Variants in PMS2 observed in about 807,000 individuals in gnomAD.
The protein encoded by PMS2 is PMS1 homolog 2, mismatch repair system component.
A neutral mutation model predicts 90.0 loss-of-function variants in PMS2; 69 were observed. The ratio of observed to expected loss-of-function variants is 0.77; its 90% CI spans 0.63 to 0.94. PMS2 has a LOEUF of 0.94. Among genes scored for constraint, PMS2 ranks in the 40% least tolerant of loss-of-function variants. PMS2 has a pLI of 0.00. For synonymous variants in PMS2, 332 were observed against 375.1 expected (o/e 0.89, Z 1.33); for missense variants, 966 against 1,040.2 (o/e 0.93, Z 0.98).
chr7:5,994,656 G>T (rs909725151), intron 8 of PMS2, among the ~76,000 whole-genome samples: 3 of 149,692 alleles, frequency 2.0e-5, no homozygotes, highest in African/African-American at 7.4e-5. Context: ...GGCACCTGTA[G>T]TCCCAGCTAC....
intron 14 of PMS2, among the ~76,000 whole-genome samples, chr7:5,977,079 G>C (rs1781745796): frequency 6.7e-6 from 1 of 149,386 alleles, no homozygotes; most frequent in South Asian, 2.1e-4. Flanking sequence ...TTTTGAGACG[G>C]AGTCTCGCTC....
chr7:5,981,080 C>A lies in PMS2; in HGVS notation c.2174+1744G>T, dbSNP rs1198048421. The stretch of plus-strand genomic sequence containing the variant: ...ACACGAAAATCCATGACCTCTTCTT[C>A]TAACTTTGCTGAAGACAAGACTTTG... On this transcript the variant is annotated intron_variant, in intron 12 of 14. Coordinates refer to ENST00000265849, the MANE Select transcript of PMS2 (RefSeq NM_000535.7). 7.3e-5 allele frequency among the ~76,000 whole-genome samples: 11 copies of A among 151,614 alleles called. 1 individual carries two copies. Among genetic ancestry groups the A allele is most frequent in the Non-Finnish European group, 1.0e-4 (7 of 68,030 alleles).
intron 2 of PMS2, chr7:6,004,376 T>C (rs1785477101): frequency 4.2e-6 from 1 of 237,922 alleles, no homozygotes; most frequent in Non-Finnish European, 8.2e-6. Flanking sequence ...GCGTTGCACT[T>C]TGACCATCCT....
In PMS2 at chr7:5,993,590, C is replaced by T. The variant is rs374061145; in HGVS notation, c.904-1533G>A. Among the ~76,000 whole-genome samples the T allele has an allele frequency of 4.4e-4, 66 of 151,316 alleles. No homozygotes were observed. The highest frequency in any genetic ancestry group is 1.4e-3 in the African/African-American group (57 of 41,338). Reference sequence around the variant, plus strand: ...AAATATAGAAACCATGGGCCGGGCGCGGTGGCTCATGCCTGTAATCCCAGC... The same window carrying T: ...AAATATAGAAACCATGGGCCGGGCGTGGTGGCTCATGCCTGTAATCCCAGC... On this transcript the variant is annotated intron_variant, in intron 8 of 14. Transcript: ENST00000265849.
chr7:6,001,935 G>C (rs1785129134), intron 5 of PMS2: 1 of 152,094 alleles, frequency 6.6e-6, no homozygotes, highest in Non-Finnish European at 1.5e-5. Context: ...GGAGGTTGCA[G>C]TGAACCAAGA....
chr7:5,992,508 T>C (rs1783882650), intron 8 of PMS2, among the ~76,000 whole-genome samples: 1 of 151,894 alleles, frequency 6.6e-6, no homozygotes, highest in Admixed American at 6.6e-5. Context: ...TTAGTAGAGA[T>C]GGGGTTTCAC....
intron 6 of PMS2, among the ~76,000 whole-genome samples, chr7:5,998,206 T>C (rs1784650238): frequency 2.0e-5 from 3 of 151,100 alleles, no homozygotes; most frequent in Non-Finnish European, 2.9e-5. Context: ...CTCAGCCTCC[T>C]GAGTAGCTGG....
chr7:5,985,506 G>A (rs1489199757), intron 11 of PMS2, among the ~76,000 whole-genome samples: 1 of 151,480 alleles, frequency 6.6e-6, no homozygotes, highest in African/African-American at 2.4e-5. Flanking sequence ...ACTATCCTAG[G>A]GAAGAGGGAG....
chr7:5,991,339 C>A (rs1783705731), intron 9 of PMS2, among the ~76,000 whole-genome samples: 1 of 151,114 alleles, frequency 6.6e-6, no homozygotes, highest in Non-Finnish European at 1.5e-5. Flanking sequence ...ATATGTGTTT[C>A]TAAGTATCTA....
chr7:5,990,107 A>C (rs896028307), intron 9 of PMS2, 152 bp from the exon 10 acceptor site: 2 of 484,434 alleles, frequency 4.1e-6, no homozygotes, highest in African/African-American at 3.9e-5. Context: ...TCCTGGGTTC[A>C]AGTGATTCTC....
At position 5,987,497 on chromosome 7, in the gene PMS2, G is replaced by C. The variant is rs756883400; in HGVS notation, c.1268C>G (p.Ala423Gly). The stretch of plus-strand genomic sequence containing the variant: ...CTCTGTTGTGTGACGAAGAGAAAAG[G>C]CCTCTCGCAGTCTGGAAATGGACAC... ...KDVSISRLRE[A>G]FSLRHTTENK... Residue 423 changes from alanine (A) to glycine (G), a missense_variant, in exon 11 of 15, where the codon GCC (alanine) becomes GGC (glycine). Ala to Gly is a moderately conservative substitution (Grantham distance 60). Coordinates refer to ENST00000265849, the MANE Select transcript of PMS2 (RefSeq NM_000535.7). 4.0e-5 allele frequency: 64 copies of C among 1,614,032 alleles called. No homozygotes were observed. Among genetic ancestry groups the C allele is most frequent in the Non-Finnish European group, 5.2e-5 (61 of 1,180,022 alleles).
intron 8 of PMS2, among the ~76,000 whole-genome samples, chr7:5,994,584 T>C (rs941439075): frequency 5.9e-5 from 9 of 151,488 alleles, no homozygotes; most frequent in African/African-American, 1.5e-4. Flanking sequence ...CCATCCTGGC[T>C]AACAAGGTGA....
In PMS2 at chr7:5,999,295, A is replaced by G. The variant is rs200792426; in HGVS notation, c.538-20T>C. 1.9e-6 allele frequency: 3 copies of G among 1,596,530 alleles called. No individual in the cohort carries two copies. The highest frequency in any genetic ancestry group is 1.7e-4 in the Middle Eastern group (1 of 6,038). On this transcript the variant is annotated intron_variant, in intron 5 of 14. Transcript: ENST00000265849. ...ATACTCCTGTTTAAAAAACACAAAC[A>G]CAATATTCTACATTACTTTAATATT... is the stretch of plus-strand genomic sequence containing the variant.
At chr7:6,006,536 C>T (rs1785789971) in intron 1 of PMS2, among the ~76,000 whole-genome samples, 1 of 151,982 alleles carries the variant, frequency 6.6e-6, no homozygotes, top group Non-Finnish European at 1.5e-5. Flanking sequence ...ACCTGTAATC[C>T]TAGCTACTCA....
chr7:5,996,845 T>C (rs1489181974), intron 7 of PMS2, among the ~76,000 whole-genome samples: 1 of 152,088 alleles, frequency 6.6e-6, no homozygotes, highest in Non-Finnish European at 1.5e-5. Context: ...TGGTTTGAAT[T>C]AAGCAACTGA....
chr7:6,006,144 TCATTTATTATATTAGCAAATA>T (rs1185894985), intron 1 of PMS2, 113 bp from the exon 2 acceptor site: 11 of 1,166,726 alleles, frequency 9.4e-6, no homozygotes, highest in Non-Finnish European at 1.4e-5. Context: ...TCTAATCTAT[TCATTTATTATATTAGCAAATA>T]CATTTATTAT....
In PMS2 at chr7:5,989,922, CT is replaced by C. The variant is rs63750049; in HGVS notation, c.1021del (p.Arg341GlyfsTer15). 7.4e-6 allele frequency: 12 copies of C among 1,611,260 alleles called. No homozygotes were observed. The highest frequency in any genetic ancestry group is 9.3e-6 in the Non-Finnish European group (11 of 1,178,048). ...CVDINVTPDK[R>X]QILLQEEKLL... Reference sequence around the variant, plus strand: ...CTTTTCCTCTTGTAGCAAAATTTGCCTTTTATCTGGAGTAACATTGATATCA... The same window carrying C: ...CTTTTCCTCTTGTAGCAAAATTTGCCTTTATCTGGAGTAACATTGATATCA... On this transcript the variant is annotated frameshift_variant, in exon 10 of 15. Transcript: ENST00000265849. LOFTEE classifies it high-confidence loss of function.
intron 7 of PMS2, among the ~76,000 whole-genome samples, chr7:5,997,077 G>A (rs538924189): frequency 3.3e-5 from 5 of 152,100 alleles, no homozygotes; most frequent in African/African-American, 1.2e-4. Flanking sequence ...AGCCGGGTGT[G>A]GTGGCACGTG....
chr7:5,997,360 A>G lies in PMS2; in HGVS notation c.769T>C (p.Leu257=), dbSNP rs1304403166. The G allele has an allele frequency of 6.2e-7, 1 of 1,604,888 alleles. No homozygotes were observed. The highest frequency in any genetic ancestry group is 8.5e-7 in the Non-Finnish European group (1 of 1,171,900). Residue 257 remains leucine (L), a synonymous_variant, in exon 7 of 15, where the codon TTG becomes CTG. Transcript: ENST00000265849. The part of the protein sequence containing the change: ...PSDSVCEEYG[L]SCSDALHNLF... Reference sequence around the variant, plus strand: ...TTATGCAGAGCATCGGAACAGCTCAAACCGTACTCTTCACACACGGAGTCA... The same window carrying G: ...TTATGCAGAGCATCGGAACAGCTCAGACCGTACTCTTCACACACGGAGTCA...
Sources: allele counts gnomAD v4.1 joint callset (sites outside exome capture counted in the v4.1 genomes callset), GRCh38; gene constraint gnomAD v4.1.1; transcripts MANE v1.5; gene names NCBI Gene and HGNC (gene_info 2026-07-23, HGNC 2026-07-21).